The following CLSTN2 variants were observed in gnomAD, a reference collection of about 807,000 sequenced individuals.
CLSTN2 encodes the protein calsyntenin 2, also known as calsyntenin-2.
CLSTN2 carries 48 observed loss-of-function variants against 101.2 expected under a neutral mutation model. The ratio of observed to expected loss-of-function variants is 0.47; its 90% CI spans 0.38 to 0.60. The LOEUF (loss-of-function observed/expected upper bound fraction) is 0.60. Among genes scored for constraint, CLSTN2 ranks in the 20% least tolerant of loss-of-function variants. CLSTN2 has a pLI of 0.00. For missense variants in CLSTN2, 1,160 were observed against 1,238.2 expected, an observed-to-expected ratio of 0.94 and a Z score of 0.95; for synonymous variants, 481 against 463.6, an observed-to-expected ratio of 1.04 and a Z score of -0.48.
intron 1 of CLSTN2, among the ~76,000 whole-genome samples, chr3:140,008,710 A>T (rs2007010583): frequency 6.6e-6 from 1 of 152,228 alleles, no homozygotes; most frequent in South Asian, 2.1e-4. Flanking sequence ...CAATCAGAGT[A>T]TTACAATTTG....
chr3:140,305,749 G>A (rs373807353), intron 2 of CLSTN2, among the ~76,000 whole-genome samples: 56 of 151,910 alleles, frequency 3.7e-4, no homozygotes, highest in African/African-American at 1.2e-3. Context: ...GACAAAATAC[G>A]CCCAATATTT....
At chr3:140,012,940 A>C (rs1434955828) in intron 1 of CLSTN2, among the ~76,000 whole-genome samples, 1 of 26,200 alleles carries the variant, frequency 3.8e-5, no homozygotes, top group African/African-American at 5.5e-5. Flanking sequence ...ACACAGAGAC[A>C]TGAGTGGCTG....
At chr3:140,049,093 C>A (rs1337792587) in intron 1 of CLSTN2, among the ~76,000 whole-genome samples, 1 of 152,216 alleles carries the variant, frequency 6.6e-6, no homozygotes, top group East Asian at 1.9e-4. Flanking sequence ...ATTGAAGGGA[C>A]TGGGCAAGCA....
At chr3:140,370,163 G>A (rs2087834524) in intron 2 of CLSTN2, among the ~76,000 whole-genome samples, 1 of 152,202 alleles carries the variant, frequency 6.6e-6, no homozygotes, top group African/African-American at 2.4e-5. Flanking sequence ...GGGTTAGGAT[G>A]CACAGCCTGG....
At chr3:140,452,695 C>G (rs917101428) in intron 6 of CLSTN2, 1 of 152,178 alleles carries the variant, frequency 6.6e-6, no homozygotes, top group Non-Finnish European at 1.5e-5. Flanking sequence ...CTTGAAATGA[C>G]TCTTTGGGCC....
chr3:139,937,895 T>G (rs139380219), intron 1 of CLSTN2, among the ~76,000 whole-genome samples: 404 of 152,270 alleles, frequency 2.7e-3, no homozygotes, highest in African/African-American at 8.7e-3. Flanking sequence ...AGAGCTCTGT[T>G]TGCTGCTGAT....
At chr3:140,054,132 G>A (rs1204730205) in intron 1 of CLSTN2, among the ~76,000 whole-genome samples, 1 of 152,146 alleles carries the variant, frequency 6.6e-6, no homozygotes, top group African/African-American at 2.4e-5. Context: ...CTCGTGGGAG[G>A]GGGAGGTTCT....
At chr3:140,337,912 A>G (rs2087458573) in intron 2 of CLSTN2, among the ~76,000 whole-genome samples, 1 of 152,226 alleles carries the variant, frequency 6.6e-6, no homozygotes, top group Non-Finnish European at 1.5e-5. Context: ...CACATGGGGC[A>G]GAGACTAGCA....
chr3:140,229,180 A>G (rs2086350219), intron 2 of CLSTN2, among the ~76,000 whole-genome samples: 1 of 152,192 alleles, frequency 6.6e-6, no homozygotes, highest in African/African-American at 2.4e-5. Context: ...CCCAGGAAGG[A>G]GAACTAGCCA....
intron 5 of CLSTN2, among the ~76,000 whole-genome samples, chr3:140,440,951 G>A (rs904454971): frequency 1.3e-5 from 2 of 152,198 alleles, no homozygotes; most frequent in Non-Finnish European, 2.9e-5. Flanking sequence ...CCACAGCAGA[G>A]CATTAAACCA....
In CLSTN2 at chr3:140,057,980, A is replaced by G. The variant is rs527266235; in HGVS notation, c.110-117971A>G. Among the ~76,000 whole-genome samples the G allele has an allele frequency of 2.0e-5, 3 of 152,340 alleles. No individual in the cohort carries two copies. The East Asian group carries it at 5.8e-4, about 29-fold the overall frequency. On this transcript the variant is annotated intron_variant, in intron 1 of 16. Transcript: ENST00000458420. ...AGGCTTATGTCTGGTGAAATTTTCC[A>G]GAAGTTCACGCTCTGCAAGGCCTTA...
intron 8 of CLSTN2, among the ~76,000 whole-genome samples, chr3:140,503,617 A>G (rs923372056): frequency 1.3e-5 from 2 of 151,922 alleles, no homozygotes; most frequent in African/African-American, 4.9e-5. Context: ...GGTTTCAGAG[A>G]TTAGGACATG....
chr3:140,374,043 G>C (rs1047399556), intron 2 of CLSTN2, among the ~76,000 whole-genome samples: 2 of 152,122 alleles, frequency 1.3e-5, no homozygotes, highest in Middle Eastern at 3.2e-3. Context: ...CAGTCTTCCT[G>C]TCCCATGTTG....
intron 8 of CLSTN2, among the ~76,000 whole-genome samples, chr3:140,481,453 C>T (rs1439018078): frequency 6.6e-6 from 1 of 152,108 alleles, no homozygotes; most frequent in Non-Finnish European, 1.5e-5. Context: ...TCCATATGAA[C>T]TTTAAAGTAG....
intron 1 of CLSTN2, among the ~76,000 whole-genome samples, chr3:140,022,971 T>C (rs1423296253): frequency 2.6e-5 from 4 of 152,140 alleles, no homozygotes; most frequent in South Asian, 2.1e-4. Flanking sequence ...AAGGTGCTGA[T>C]TGGGAGAAGA....
chr3:140,546,718 G>T (rs758481875), intron 10 of CLSTN2, 37 bp downstream of exon 10: 2 of 1,558,264 alleles, frequency 1.3e-6, no homozygotes, highest in Non-Finnish European at 1.7e-6. Flanking sequence ...AATAAGACAG[G>T]GATTCATGAT....
At chr3:140,129,792 A>G (rs79287955) in intron 1 of CLSTN2, among the ~76,000 whole-genome samples, 2 of 152,208 alleles carry the variant, frequency 1.3e-5, no homozygotes, top group Non-Finnish European at 2.9e-5. Context: ...AGCTGCCAGG[A>G]GCCCTTTCTC....
At chr3:140,515,996 T>G (rs571505269) in intron 8 of CLSTN2, among the ~76,000 whole-genome samples, 1 of 152,168 alleles carries the variant, frequency 6.6e-6, no homozygotes, top group South Asian at 2.1e-4. Context: ...TAGTAGTAAT[T>G]GTATAAATTT....
intron 8 of CLSTN2, among the ~76,000 whole-genome samples, chr3:140,525,214 T>G (rs1293667658): frequency 6.6e-6 from 1 of 151,954 alleles, no homozygotes; most frequent in Non-Finnish European, 1.5e-5. Flanking sequence ...GATTAACAAA[T>G]ACAGAGAGAA....
Sources: gnomAD v4.1 joint callset for allele counts (sites outside exome capture counted in the v4.1 genomes callset) on GRCh38, gnomAD v4.1.1 for gene constraint, MANE v1.5 for transcripts, NCBI Gene and HGNC (gene_info 2026-07-23, HGNC 2026-07-21) for gene names.